CEP350: variants seen among roughly 807,000 people sequenced by gnomAD.
The protein encoded by CEP350 is centrosomal protein 350, also known as centrosome-associated protein 350.
A neutral mutation model predicts 331.8 loss-of-function variants in CEP350; 126 were observed. The observed-to-expected ratio is 0.38, with a 90% confidence interval of 0.33 to 0.44. The LOEUF is 0.44. CEP350 is among the 20% of genes least tolerant of loss of function. The pLI is 1.00. For synonymous variants in CEP350, 1,200 were observed against 1,259.5 expected (o/e 0.95, Z 1.00); for missense variants, 3,406 against 3,634.6 (o/e 0.94, Z 1.62).
chr1:180,110,271 T>A (rs973895340), intron 37 of CEP350, among the ~76,000 whole-genome samples: 1 of 152,238 alleles, frequency 6.6e-6, no homozygotes. Context: ...GGGTTCGACT[T>A]ACTGTTTTTC....
intron 8 of CEP350, among the ~76,000 whole-genome samples, chr1:180,010,106 A>AT (rs1368464309): frequency 6.6e-6 from 1 of 151,980 alleles, no homozygotes. Context: ...GTTTATTTAA[A>AT]TTTTTTTGTA....
intron 14 of CEP350, among the ~76,000 whole-genome samples, chr1:180,026,012 C>G (rs1571886190): frequency 6.6e-6 from 1 of 152,154 alleles, no homozygotes; most frequent in South Asian, 2.1e-4. Flanking sequence ...ATATAGAAAC[C>G]TATATTTAAA....
chr1:180,075,573 A>G (rs949707681), intron 28 of CEP350, among the ~76,000 whole-genome samples: 8 of 152,156 alleles, frequency 5.3e-5, no homozygotes, highest in Non-Finnish European at 1.2e-4. Context: ...CTGTCTCTAA[A>G]AATAAAATAA....
intron 1 of CEP350, among the ~76,000 whole-genome samples, chr1:179,977,539 A>AT (rs1651959354): frequency 6.6e-6 from 1 of 152,152 alleles, no homozygotes; most frequent in African/African-American, 2.4e-5. Context: ...GGTGTTTATT[A>AT]TATTATTTCT....
chr1:180,087,573 CT>C lies in CEP350; in HGVS notation c.6286-3del. 2 of 1,537,138 alleles carry C rather than the reference CT, an allele frequency of 1.3e-6. No homozygotes were observed. The highest frequency in any genetic ancestry group is 1.8e-6 in the Non-Finnish European group (2 of 1,139,342). ...TAGTGACTCCTCTGGTTTTTCTAAA[CT>C]TAGTCATATGATGAATTTATTAAGA... On this transcript the variant is annotated splice_polypyrimidine_tract_variant and splice_region_variant and intron_variant, in intron 31 of 37. Transcript: ENST00000367607.
At chr1:179,969,091 T>TGTG in intron 1 of CEP350, 1 of 693,068 alleles carries the variant, frequency 1.4e-6, no homozygotes, top group Non-Finnish European at 2.7e-6. Flanking sequence ...CAGAGTCTCC[T>TGTG]TTGCGCTGTG....
chr1:180,100,138 T>C (rs1290826112), intron 37 of CEP350, among the ~76,000 whole-genome samples: 36 of 152,200 alleles, frequency 2.4e-4, no homozygotes, highest in Admixed American at 2.4e-3. Context: ...GAAGAACTAA[T>C]GTTATCCTTT....
chr1:180,015,870 T>G lies in CEP350; in HGVS notation c.2074T>G (p.Ser692Ala). Residue 692 changes from serine (S) to alanine (A), a missense_variant, in exon 11 of 38, where the codon TCT becomes GCT. Transcript: ENST00000367607. ...ETQAKPGYQPSGESDKENKVQ... is the reference protein window; with the variant it reads ...ETQAKPGYQPAGESDKENKVQ... ...CTAGGCCAAACCAGGGTATCAGCCA[T>G]CTGGAGAATCTGACAAAGAAAACAA... 6.2e-7 allele frequency: 1 copy of G among 1,613,830 alleles called. No individual in the cohort carries two copies. The highest frequency in any genetic ancestry group is 1.1e-5 in the South Asian group (1 of 91,076).
Position 180,093,902 on chromosome 1 carries a change from G to C in CEP350, c.7797G>C (p.Glu2599Asp), listed in dbSNP as rs142980956. The C allele has an allele frequency of 1.2e-6, 2 of 1,613,794 alleles. No homozygotes were observed. Among genetic ancestry groups the C allele is most frequent in the Non-Finnish European group, 1.7e-6 (2 of 1,179,854 alleles). Reference sequence around the variant, plus strand: ...ATAATCAAGAGCAAAATGATACAGAGGGTCCAAAAGACAGAGAAAAGGATG... The same window carrying C: ...ATAATCAAGAGCAAAATGATACAGACGGTCCAAAAGACAGAGAAAAGGATG... ...QCYNQEQNDT[E>D]GPKDREKDVS... is the part of the protein sequence containing the mutation. Residue 2599 changes from glutamate to aspartate, a missense_variant, in exon 34 of 38, where the codon GAG (glutamate) becomes GAC (aspartate). Glu to Asp is a conservative substitution (Grantham distance 45, BLOSUM62 2). Coordinates refer to ENST00000367607, the MANE Select transcript of CEP350 (RefSeq NM_014810.5).
At chr1:180,077,312 G>C (rs1201745819) in intron 28 of CEP350, among the ~76,000 whole-genome samples, 1 of 151,858 alleles carries the variant, frequency 6.6e-6, no homozygotes, top group Non-Finnish European at 1.5e-5. Context: ...AAGTACTTAG[G>C]AATAAATTTA....
intron 1 of CEP350, among the ~76,000 whole-genome samples, chr1:179,967,971 C>T (rs1209430972): frequency 6.6e-6 from 1 of 152,098 alleles, no homozygotes; most frequent in African/African-American, 2.4e-5. Context: ...ATCAATGGTA[C>T]TGTCATTTGG....
Position 180,093,060 on chromosome 1 carries a change from A to G in CEP350, c.6955A>G (p.Ile2319Val), listed in dbSNP as rs1277957419. The G allele has an allele frequency of 1.9e-6, 3 of 1,606,218 alleles. No homozygotes were observed. The highest frequency in any genetic ancestry group is 2.6e-6 in the Non-Finnish European group (3 of 1,175,838). Residue 2319 changes from isoleucine (I) to valine (V), a missense_variant, in exon 34 of 38, where the codon ATT becomes GTT. Coordinates refer to ENST00000367607, the MANE Select transcript of CEP350 (RefSeq NM_014810.5). ...NVQKDLVGLAIENLHKSEEML... is the reference protein window; with the variant it reads ...NVQKDLVGLAVENLHKSEEML... The stretch of plus-strand genomic sequence containing the variant: ...TCAGAAAGACCTAGTTGGATTAGCT[A>G]TTGAAAATCTCCATAAAAGTGAGGA...
chr1:180,087,674 G>A lies in CEP350; in HGVS notation c.6382G>A (p.Ala2128Thr). 1 of 1,582,846 alleles carries A rather than the reference G, an allele frequency of 6.3e-7. No homozygotes were observed. The highest frequency in any genetic ancestry group is 1.8e-5 in the Admixed American group (1 of 56,520). The part of the protein sequence containing the change: ...AKPQIKTLSS[A>T]SEKPKIKPLT... ...GCCTCAGATTAAAACGCTCTCCTCAGCTTCTGAAAAACCCAAGATCAAACC... is the reference window on the plus strand; with the variant it reads ...GCCTCAGATTAAAACGCTCTCCTCAACTTCTGAAAAACCCAAGATCAAACC... The change falls in exon 32 of 38, where the codon GCT becomes ACT. Residue 2128 changes from alanine (A) to threonine (T), a missense_variant. Ala to Thr is a moderately conservative substitution (Grantham distance 58). This residue lies in a region of CEP350 where 1,415 missense variants were observed against 1,512.3 expected (regional missense o/e 0.94). Transcript: ENST00000367607.
intron 6 of CEP350, 71 bp downstream of exon 6, chr1:179,997,246 A>G: frequency 1.3e-6 from 2 of 1,488,444 alleles, no homozygotes; most frequent in Non-Finnish European, 9.1e-7. Context: ...GTGTATTTGA[A>G]TAGAGAGGAT....
intron 30 of CEP350, among the ~76,000 whole-genome samples, chr1:180,082,667 A>C (rs1659648209): frequency 6.6e-6 from 1 of 152,182 alleles, no homozygotes; most frequent in South Asian, 2.1e-4. Flanking sequence ...AAGGTCTTTC[A>C]TCTAAAAACC....
In CEP350 at chr1:180,114,037, A is replaced by C. The variant is rs924350889; in HGVS notation, c.*2876A>C. 1 of 152,662 alleles carries C rather than the reference A, an allele frequency of 6.6e-6. No homozygotes were observed. Among genetic ancestry groups the C allele is most frequent in the Non-Finnish European group, 1.5e-5 (1 of 68,040 alleles). The allele number at this position is 152,662 out of a possible 1,614,324, so 9.5% of individuals were successfully genotyped here. ...AAGTGGGGAGAGCTCAAACGTAGTT[A>C]ATAAGGAAGGTAATTTGTTTTTCTT... On this transcript the variant is annotated 3_prime_UTR_variant, in exon 38 of 38. Transcript: ENST00000367607.
At position 180,093,166 on chromosome 1, in the gene CEP350, A is replaced by G. The variant is rs764109927; in HGVS notation, c.7061A>G (p.Lys2354Arg). The change falls in exon 34 of 38, where the codon AAG becomes AGG. Residue 2354 changes from lysine to arginine, a missense_variant. Transcript: ENST00000367607. Reference sequence around the variant, plus strand: ...TCAGGAAAAGACATTCACGAACAAAAGAACACAAAGGAAAAAGATTTGTCT... The same window carrying G: ...TCAGGAAAAGACATTCACGAACAAAGGAACACAAAGGAAAAAGATTTGTCT... ...IQSGKDIHEQ[K>R]NTKEKDLSWS... 4.1e-5 allele frequency: 65 copies of G among 1,598,220 alleles called. No homozygotes were observed. Among genetic ancestry groups the G allele is most frequent in the Non-Finnish European group, 5.2e-5 (61 of 1,171,398 alleles).
rs138842431 is a variant in CEP350, at chr1:180,085,280, T to C, written c.6285+1102T>C. On this transcript the variant is annotated intron_variant, in intron 31 of 37. Transcript: ENST00000367607. ...AGCCGTAGCAGCCTTTCTGAGTCTG[T>C]CCCAGGCTGGGAACCTGATTTTGAT... 8.7e-3 allele frequency among the ~76,000 whole-genome samples: 1,331 copies of C among 152,296 alleles called. 12 individuals carry two copies. The highest frequency in any genetic ancestry group is 0.015 in the Non-Finnish European group (1,025 of 68,026).
At chr1:180,022,945 A>G (rs1655426436) in intron 13 of CEP350, 97 bp downstream of exon 13, 3 of 1,108,360 alleles carry the variant, frequency 2.7e-6, no homozygotes, top group Admixed American at 5.3e-5. Flanking sequence ...TTGCTCATTT[A>G]AAAATACATA....
Sources: allele counts gnomAD v4.1 joint callset (sites outside exome capture counted in the v4.1 genomes callset), GRCh38; gene constraint gnomAD v4.1.1; regional missense constraint gnomAD v4.1.1; transcripts MANE v1.5; gene names NCBI Gene and HGNC (gene_info 2026-07-23, HGNC 2026-07-21).